The following ADAMTSL1 variants were observed in gnomAD, a reference collection of about 807,000 sequenced individuals.
ADAMTSL1 encodes the protein ADAMTS-like protein 1.
Under a neutral mutation model 201.8 loss-of-function variants are expected in ADAMTSL1, and 126 were observed. That is an observed-to-expected ratio of 0.62 (90% CI 0.54 to 0.72). ADAMTSL1 has a LOEUF of 0.72. Among genes scored for constraint, ADAMTSL1 ranks in the 30% least tolerant of loss-of-function variants. ADAMTSL1 has a pLI of 0.00. For missense variants in ADAMTSL1, 2,679 were observed against 2,277.8 expected (o/e 1.18, Z -3.59); for synonymous variants, 1,121 against 903.4 (o/e 1.24, Z -4.32).
chr9:18,271,961 G>A (rs1193728689), intron 2 of ADAMTSL1, among the ~76,000 whole-genome samples: 11 of 151,166 alleles, frequency 7.3e-5, no homozygotes, highest in African/African-American at 2.7e-4. Flanking sequence ...TCTGTTGGCT[G>A]CATAAATGTC....
intron 3 of ADAMTSL1, among the ~76,000 whole-genome samples, chr9:18,544,999 A>G (rs1180032145): frequency 6.6e-6 from 1 of 152,200 alleles, no homozygotes; most frequent in Non-Finnish European, 1.5e-5. Context: ...TAGCTCCACG[A>G]GCTTAGGCAG....
intron 2 of ADAMTSL1, among the ~76,000 whole-genome samples, chr9:18,406,543 G>T (rs1269658698): frequency 1.3e-5 from 2 of 151,838 alleles, no homozygotes; most frequent in Non-Finnish European, 2.9e-5. Context: ...GTTGGCCAGG[G>T]TGGGTTCAAA....
At chr9:18,047,221 G>A (rs1821699947) in intron 1 of ADAMTSL1, among the ~76,000 whole-genome samples, 1 of 152,116 alleles carries the variant, frequency 6.6e-6, no homozygotes, top group Admixed American at 6.5e-5. Flanking sequence ...TTAGTAACTA[G>A]ATAATGAAAA....
intron 1 of ADAMTSL1, among the ~76,000 whole-genome samples, chr9:18,019,896 G>A (rs1236935796): frequency 6.6e-6 from 1 of 152,068 alleles, no homozygotes; most frequent in Non-Finnish European, 1.5e-5. Context: ...CTTAGGCCTT[G>A]AGAATCTAAC....
chr9:18,163,694 G>A (rs1827506293), intron 1 of ADAMTSL1, among the ~76,000 whole-genome samples: 1 of 151,990 alleles, frequency 6.6e-6, no homozygotes, highest in Non-Finnish European at 1.5e-5. Flanking sequence ...GGAGCCACAT[G>A]CCAGAATGTT....
intron 2 of ADAMTSL1, among the ~76,000 whole-genome samples, chr9:18,245,646 T>C (rs1049591219): frequency 6.6e-6 from 1 of 151,852 alleles, no homozygotes; most frequent in Admixed American, 6.6e-5. Context: ...CAGCCCTCCA[T>C]TGAGTTCCCA....
At chr9:18,344,958 C>A (rs901361778) in intron 2 of ADAMTSL1, among the ~76,000 whole-genome samples, 1 of 152,128 alleles carries the variant, frequency 6.6e-6, no homozygotes, top group African/African-American at 2.4e-5. Context: ...CTTTTGACAG[C>A]CCTGTGGATA....
At chr9:18,614,051 A>G (rs1250783274) in intron 4 of ADAMTSL1, among the ~76,000 whole-genome samples, 1 of 152,094 alleles carries the variant, frequency 6.6e-6, no homozygotes, top group African/African-American at 2.4e-5. Flanking sequence ...AGAGGTAGCA[A>G]CTCAGGGCTG....
intron 2 of ADAMTSL1, among the ~76,000 whole-genome samples, chr9:18,178,073 G>T (rs1311636298): frequency 6.6e-6 from 1 of 152,216 alleles, no homozygotes; most frequent in Admixed American, 6.5e-5. Flanking sequence ...CAGCATGAGC[G>T]ACGCAGAAGA....
At chr9:18,172,527 C>T (rs1406664724) in intron 2 of ADAMTSL1, among the ~76,000 whole-genome samples, 1 of 152,116 alleles carries the variant, frequency 6.6e-6, no homozygotes, top group African/African-American at 2.4e-5. Context: ...TCCTATACTG[C>T]TGGTGGGAGC....
chr9:18,567,045 TA>T (rs778144570), intron 3 of ADAMTSL1, among the ~76,000 whole-genome samples: 3 of 152,126 alleles, frequency 2.0e-5, no homozygotes, highest in Non-Finnish European at 4.4e-5. Context: ...AAATGCAAAT[TA>T]TTAAGCCTCA....
intron 9 of ADAMTSL1, among the ~76,000 whole-genome samples, chr9:18,668,909 G>A (rs1030677329): frequency 6.6e-6 from 1 of 152,212 alleles, no homozygotes; most frequent in African/African-American, 2.4e-5. Context: ...GCTCAGAGAG[G>A]TTAAGTGTTA....
chr9:18,361,419 A>G (rs989544936), intron 2 of ADAMTSL1, among the ~76,000 whole-genome samples: 1 of 152,164 alleles, frequency 6.6e-6, no homozygotes, highest in Non-Finnish European at 1.5e-5. Flanking sequence ...TAAATCTAAT[A>G]CTTATATGAT....
intron 2 of ADAMTSL1, among the ~76,000 whole-genome samples, chr9:18,396,844 C>G (rs1202936148): frequency 6.6e-6 from 1 of 152,074 alleles, no homozygotes; most frequent in Admixed American, 6.6e-5. Context: ...TCAGCCTGGG[C>G]AACAGAACAA....
At chr9:17,920,189 A>C (rs1353008685) in intron 1 of ADAMTSL1, among the ~76,000 whole-genome samples, 4 of 152,196 alleles carry the variant, frequency 2.6e-5, no homozygotes, top group African/African-American at 9.6e-5. Flanking sequence ...GTGCTACTGA[A>C]TACCTGTCAC....
At position 18,105,454 on chromosome 9, in the gene ADAMTSL1, T is replaced by G. The variant is rs1824714969; in HGVS notation, c.88-58408T>G. Among the ~76,000 whole-genome samples the G allele has an allele frequency of 2.0e-5, 3 of 152,310 alleles. No homozygotes were observed. In the East Asian group the frequency reaches 5.8e-4, roughly 29 times the overall value. ...TGCATTTTATTGTTTTACTTAATATTGCAAAATTGAAATCACCTTATTTTG... is the reference window on the plus strand; with the variant it reads ...TGCATTTTATTGTTTTACTTAATATGGCAAAATTGAAATCACCTTATTTTG... On this transcript the variant is annotated intron_variant, in intron 1 of 29. Coordinates refer to the ADAMTSL1 transcript ENST00000680146.
At chr9:17,977,181 A>T (rs1285053619) in intron 1 of ADAMTSL1, among the ~76,000 whole-genome samples, 1 of 152,004 alleles carries the variant, frequency 6.6e-6, no homozygotes, top group Admixed American at 6.6e-5. Context: ...ATCTCACTTG[A>T]TCATGGTGTA....
At chr9:18,385,155 G>C (rs557874325) in intron 2 of ADAMTSL1, among the ~76,000 whole-genome samples, 2 of 152,286 alleles carry the variant, frequency 1.3e-5, no homozygotes, top group Admixed American at 1.3e-4. Flanking sequence ...ATTGTGGAGA[G>C]TCTGGGCTAT....
rs534211606 is a variant in ADAMTSL1 at position 18,325,302 on chromosome 9, A to T, written c.207+161321A>T. On this transcript the variant is annotated intron_variant, in intron 2 of 29. Transcript: ENST00000680146. ...AAGACATGCACAAAGTGTTCATACCAGTTTTGTTCAAGCCAGCCTAATGTT... is the reference window on the plus strand; with the variant it reads ...AAGACATGCACAAAGTGTTCATACCTGTTTTGTTCAAGCCAGCCTAATGTT... 1.5e-3 allele frequency among the ~76,000 whole-genome samples: 230 copies of T among 152,352 alleles called. 1 individual carries two copies. The highest frequency in any genetic ancestry group is 5.3e-3 in the African/African-American group (219 of 41,586).
Sources: gnomAD v4.1 joint callset for allele counts (sites outside exome capture counted in the v4.1 genomes callset) on GRCh38, gnomAD v4.1.1 for gene constraint, MANE v1.5 for transcripts, NCBI Gene and HGNC (gene_info 2026-07-23, HGNC 2026-07-21) for gene names.